Variants in MAN2B1 observed in about 807,000 individuals in gnomAD.
The protein encoded by MAN2B1 is lysosomal alpha-mannosidase.
A neutral mutation model predicts 127.5 loss-of-function variants in MAN2B1; 99 were observed. The observed-to-expected ratio is 0.78, with a 90% CI of 0.66 to 0.92. The LOEUF is 0.92. MAN2B1 is among the 40% of genes least tolerant of loss of function. The pLI, the probability that MAN2B1 is intolerant of heterozygous loss-of-function variation, is 0.00. For missense variants in MAN2B1, 1,304 were observed against 1,384.8 expected (o/e 0.94, Z 0.93); for synonymous variants, 573 against 568.8 (o/e 1.01, Z -0.11).
rs1568298457 is a variant in MAN2B1 at position 12,649,175 on chromosome 19, C to A, written c.2397G>T (p.Gln799His). ...MQLTVLTDRSQGGSSLRDGSL... is the reference protein window; with the variant it reads ...MQLTVLTDRSHGGSSLRDGSL... ...AGCCATCTCTCAGGCTGCTGCCCCC[C>A]TGGGAGCGGTCAGTCAGCACAGTCA... Residue 799 changes from glutamine (Q) to histidine (H), a missense_variant, in exon 20 of 24, where the codon CAG becomes CAT. Coordinates refer to ENST00000456935, the MANE Select transcript of MAN2B1 (RefSeq NM_000528.4). The A allele has an allele frequency of 6.2e-7, 1 of 1,612,842 alleles. No individual in the cohort carries two copies. The highest frequency in any genetic ancestry group is 8.5e-7 in the Non-Finnish European group (1 of 1,180,030).
At position 12,663,879 on chromosome 19, in the gene MAN2B1, C is replaced by T. The variant is rs1284122086; in HGVS notation, c.631-44G>A. 5 of 1,613,210 alleles carry T rather than the reference C, an allele frequency of 3.1e-6. No individual in the cohort carries two copies. In the African/African-American group the frequency reaches 5.3e-5, roughly 17 times the overall value. On this transcript the variant is annotated intron_variant, in intron 4 of 23. Transcript: ENST00000456935. ...AAGGCAGTGTGAATTAGTGCCCAGC[C>T]CTCTCACCACCAAACTCCCCTCTGC...
intron 3 of MAN2B1, 152 bp downstream of exon 3, chr19:12,665,200 G>A (rs906421066): frequency 2.5e-5 from 27 of 1,090,342 alleles, no homozygotes; most frequent in Non-Finnish European, 3.8e-5. Context: ...TTTGTGGGAT[G>A]TATAGGAGGT....
At chr19:12,650,795 C>G (rs560450523) in intron 16 of MAN2B1, among the ~76,000 whole-genome samples, 1 of 151,932 alleles carries the variant, frequency 6.6e-6, no homozygotes, top group African/African-American at 2.4e-5. Flanking sequence ...CTCAGCCTCC[C>G]GAGTAGAGGG....
At chr19:12,666,470 C>A in intron 1 of MAN2B1, 73 bp downstream of exon 1, 4 of 1,518,624 alleles carry the variant, frequency 2.6e-6, no homozygotes, top group Non-Finnish European at 3.6e-6. Flanking sequence ...AGGACAGACC[C>A]ACCCACACCT....
At chr19:12,648,429 T>TTCGGTGCACCTGGGGG (rs757044622) in intron 20 of MAN2B1, 27 bp from the exon 21 acceptor site, 2 of 1,571,526 alleles carry the variant, frequency 1.3e-6, no homozygotes, top group Admixed American at 3.4e-5. Flanking sequence ...CAGGAGGGGG[T>TTCGGTGCACCTGGGGG]GAGAGTCGTG....
rs760762187 is a variant in MAN2B1, at chr19:12,647,333, G to A, written c.2823C>T (p.Asp941=). The change falls in exon 23 of 24, where the codon GAC becomes GAT. Residue 941 remains aspartate (D), a splice_region_variant and synonymous_variant. Coordinates refer to ENST00000456935, the MANE Select transcript of MAN2B1 (RefSeq NM_000528.4). This position sits in a 1 kb window ranked among gnomAD's most constrained non-coding sequence, Gnocchi z 4.9. ...LSAPVTLNLR[D]LFSTFTITRL... ...GGGTGATGGTGAAGGTGGAGAACAGGTCCTGCGGGGAAGGGGATGGGCCCA... is the reference window on the plus strand; with the variant it reads ...GGGTGATGGTGAAGGTGGAGAACAGATCCTGCGGGGAAGGGGATGGGCCCA... 6.2e-7 allele frequency: 1 copy of A among 1,614,064 alleles called. No individual in the cohort carries two copies. Among genetic ancestry groups the A allele is most frequent in the South Asian group, 1.1e-5 (1 of 91,082 alleles).
At chr19:12,666,189 G>A (rs974095658) in intron 1 of MAN2B1, among the ~76,000 whole-genome samples, 2 of 152,058 alleles carry the variant, frequency 1.3e-5, no homozygotes, top group Non-Finnish European at 2.9e-5. Context: ...GGAAGTGTAA[G>A]AGCTAGGCTG....
chr19:12,648,441 GTT>G (rs755996633), intron 20 of MAN2B1, 39 bp from the exon 21 acceptor site: 2 of 1,491,942 alleles, frequency 1.3e-6, no homozygotes, highest in Admixed American at 3.4e-5. Context: ...AGAGTCGTGG[GTT>G]TGTGGGTGTC....
At chr19:12,655,232 GTCACCCGT>G (rs1182927962) in intron 14 of MAN2B1, among the ~76,000 whole-genome samples, 1 of 152,190 alleles carries the variant, frequency 6.6e-6, no homozygotes, top group Non-Finnish European at 1.5e-5. Flanking sequence ...GGTCTGACCT[GTCACCCGT>G]TCACCCTGCT....
chr19:12,649,734 G>A (rs1388940309), intron 18 of MAN2B1, among the ~76,000 whole-genome samples, 179 bp downstream of exon 18: 2 of 151,536 alleles, frequency 1.3e-5, no homozygotes, highest in South Asian at 2.1e-4. Flanking sequence ...TGCCCGCCTC[G>A]GCTTCCCAAA....
rs2023982316 is a variant in MAN2B1 at position 12,657,109 on chromosome 19, T to C, written c.1420-53A>G. The C allele has an allele frequency of 7.5e-6, 8 of 1,060,396 alleles. No individual in the cohort carries two copies. The South Asian group carries it at 1.1e-4, about 14-fold the overall frequency. The allele number at this position is 1,060,396 out of a possible 1,614,324, so 65.7% of individuals were successfully genotyped here. A position where few individuals can be genotyped will look rare whatever the true frequency, so the allele number is the denominator to read the frequency against. On this transcript the variant is annotated intron_variant, in intron 11 of 23. Transcript: ENST00000456935. The stretch of plus-strand genomic sequence containing the variant: ...GGTTCAGGACGCCAGGCCTGACTCC[T>C]CCCCTCTCCTCAGGCCCCGCCCCGT...
chr19:12,655,261 T>G (rs1025573364), intron 14 of MAN2B1, among the ~76,000 whole-genome samples: 2 of 152,222 alleles, frequency 1.3e-5, no homozygotes, highest in South Asian at 2.1e-4. Context: ...TCAGCCACAC[T>G]GAGCTCCTTG....
intron 14 of MAN2B1, among the ~76,000 whole-genome samples, chr19:12,654,137 G>C (rs2023907919): frequency 6.6e-6 from 1 of 151,226 alleles, no homozygotes; most frequent in African/African-American, 2.4e-5. Flanking sequence ...CCGCCTTCCG[G>C]GTTCACGCCA....
chr19:12,650,859 G>A (rs1315515723), intron 16 of MAN2B1, among the ~76,000 whole-genome samples: 2 of 149,548 alleles, frequency 1.3e-5, no homozygotes, highest in African/African-American at 2.5e-5. Flanking sequence ...TAGTAGAGAC[G>A]GGGTTTCTAT....
Position 12,663,281 on chromosome 19 carries a change from T to C in MAN2B1, c.909+36A>G, listed in dbSNP as rs543188883. 3.1e-6 allele frequency: 5 copies of C among 1,613,102 alleles called. No homozygotes were observed. In the South Asian group the frequency reaches 3.3e-5, roughly 11 times the overall value. On this transcript the variant is annotated intron_variant, in intron 6 of 23. Transcript: ENST00000456935. ...CATGGAAAGAGCTCATTGTATTGTA[T>C]ATACCGGACTCGAAGGTTCTGGACA...
intron 1 of MAN2B1, among the ~76,000 whole-genome samples, chr19:12,666,052 A>T (rs576536806): frequency 1.3e-5 from 2 of 152,276 alleles, no homozygotes; most frequent in African/African-American, 4.8e-5. Flanking sequence ...GAAGTAGCTG[A>T]TGTTTGTTCA....
At position 12,665,750 on chromosome 19, in the gene MAN2B1, T is replaced by A. The variant is rs387906261; in HGVS notation, c.215A>T (p.His72Leu). The change falls in exon 2 of 24, where the codon CAT becomes CTT. Residue 72 changes from histidine to leucine, a missense_variant. Coordinates refer to ENST00000456935, the MANE Select transcript of MAN2B1 (RefSeq NM_000528.4). ...GGTTTTGAGCCAGCCCACGTCATCATGTGTGTGAGGCAGCAGGTGCACGTT... is the reference window on the plus strand; with the variant it reads ...GGTTTTGAGCCAGCCCACGTCATCAAGTGTGTGAGGCAGCAGGTGCACGTT... ...MLNVHLLPHTHDDVGWLKTVD... is the reference protein window; with the variant it reads ...MLNVHLLPHTLDDVGWLKTVD... 6.2e-7 allele frequency: 1 copy of A among 1,614,150 alleles called. No homozygotes were observed. Among genetic ancestry groups the A allele is most frequent in the Middle Eastern group, 1.7e-4 (1 of 6,060 alleles).
At chr19:12,649,540 G>A in intron 18 of MAN2B1, 112 bp from the exon 19 acceptor site, 1 of 692,438 alleles carries the variant, frequency 1.4e-6, no homozygotes, top group Non-Finnish European at 2.5e-6. Flanking sequence ...GGAGTGCAGT[G>A]GCGCGATCTC....
chr19:12,656,230 G>A (rs1008457493), intron 13 of MAN2B1: 2 of 443,448 alleles, frequency 4.5e-6, no homozygotes, highest in South Asian at 5.2e-5. Flanking sequence ...CTGGGGAAGC[G>A]GGGTATTAAA....
Sources: gnomAD v4.1 joint callset for allele counts (sites outside exome capture counted in the v4.1 genomes callset) on GRCh38, gnomAD v4.1.1 for gene constraint, Gnocchi (gnomAD v3.1) non-coding constraint, MANE v1.5 for transcripts, NCBI Gene and HGNC (gene_info 2026-07-23, HGNC 2026-07-21) for gene names.